Variants in SLC2A12 observed in about 807,000 individuals in gnomAD.
The protein encoded by SLC2A12 is solute carrier family 2 member 12.
SLC2A12 carries 23 observed loss-of-function variants against 41.8 expected under a neutral mutation model. That is an observed-to-expected ratio of 0.55 (90% CI 0.40 to 0.78). The LOEUF is 0.78. SLC2A12 is among the 30% of genes least tolerant of loss of function. SLC2A12 has a pLI of 0.00. For missense variants in SLC2A12, 654 were observed against 745.6 expected (o/e 0.88, Z 1.43); for synonymous variants, 295 against 285.9 (o/e 1.03, Z -0.32).
chr6:133,989,824 TA>T lies in SLC2A12; in HGVS notation c.*1330del, dbSNP rs1183070112. 1 of 152,190 alleles carries T rather than the reference TA, an allele frequency of 6.6e-6. No homozygotes were observed. Among genetic ancestry groups the T allele is most frequent in the Non-Finnish European group, 1.5e-5 (1 of 68,010 alleles). The allele number at this position is 152,190 out of a possible 1,614,324, so 9.4% of individuals were successfully genotyped here. On this transcript the variant is annotated 3_prime_UTR_variant, in exon 5 of 5. Coordinates refer to ENST00000275230, the MANE Select transcript of SLC2A12 (RefSeq NM_145176.3). Reference sequence around the variant, plus strand: ...ACCAATAGGAAAATTCCAAGCTAAATAAAAAGGAGCTTTGGCTCTTAGGATT... The same window carrying T: ...ACCAATAGGAAAATTCCAAGCTAAATAAAAGGAGCTTTGGCTCTTAGGATT...
At chr6:134,032,689 C>G (rs564186584) in intron 1 of SLC2A12, among the ~76,000 whole-genome samples, 1 of 135,174 alleles carries the variant, frequency 7.4e-6, no homozygotes, top group East Asian at 2.1e-4. Context: ...CCTGTCCATT[C>G]GGGGTTTTGA....
chr6:134,001,633 A>G (rs1776755256), intron 4 of SLC2A12, among the ~76,000 whole-genome samples: 1 of 152,190 alleles, frequency 6.6e-6, no homozygotes, highest in African/African-American at 2.4e-5. Flanking sequence ...GTTTGATGAT[A>G]ATTATAAAAG....
At chr6:134,037,638 C>T (rs1015880238) in intron 1 of SLC2A12, among the ~76,000 whole-genome samples, 1 of 152,192 alleles carries the variant, frequency 6.6e-6, no homozygotes. Context: ...GCATGAGCCA[C>T]TACACCCGGC....
chr6:134,024,166 G>A (rs1246004826), intron 2 of SLC2A12, among the ~76,000 whole-genome samples: 2 of 152,240 alleles, frequency 1.3e-5, no homozygotes, highest in African/African-American at 2.4e-5. Context: ...TCTGGGAGAA[G>A]GCAGCAGTTT....
At chr6:134,046,082 G>A (rs1777451399) in intron 1 of SLC2A12, among the ~76,000 whole-genome samples, 1 of 152,072 alleles carries the variant, frequency 6.6e-6, no homozygotes, top group Admixed American at 6.5e-5. Context: ...CATTTCCCCT[G>A]TTCTTGAAAA....
chr6:134,029,134 C>G lies in SLC2A12; in HGVS notation c.691G>C (p.Gly231Arg). 1.2e-6 allele frequency: 2 copies of G among 1,614,120 alleles called. No homozygotes were observed. Among genetic ancestry groups the G allele is most frequent in the Non-Finnish European group, 1.7e-6 (2 of 1,180,030 alleles). Residue 231 changes from glycine to arginine, a missense_variant, in exon 2 of 5, where the codon GGA becomes CGA. This residue lies in a region of SLC2A12 where 411 missense variants were observed against 412.1 expected (regional missense o/e 1.00). Coordinates refer to ENST00000275230, the MANE Select transcript of SLC2A12 (RefSeq NM_145176.3). Reference protein sequence around the residue: ...PRFLVMKGQEGAASKVLGRLR... With the variant: ...PRFLVMKGQERAASKVLGRLR... ...CTTCCAAGAACCTTGCTAGCAGCTCCCTCTTGTCCTTTCATCACCAGAAAC... is the reference window on the plus strand; with the variant it reads ...CTTCCAAGAACCTTGCTAGCAGCTCGCTCTTGTCCTTTCATCACCAGAAAC...
At chr6:134,005,457 G>A (rs1776799873) in intron 3 of SLC2A12, among the ~76,000 whole-genome samples, 1 of 151,718 alleles carries the variant, frequency 6.6e-6, no homozygotes, top group East Asian at 2.0e-4. Flanking sequence ...AGGAGTTCGA[G>A]ACCAGCCTGA....
chr6:134,005,307 A>G (rs1776798531), intron 3 of SLC2A12, among the ~76,000 whole-genome samples: 1 of 152,110 alleles, frequency 6.6e-6, no homozygotes, highest in Non-Finnish European at 1.5e-5. Context: ...CAAATTTTCT[A>G]TACAATGCAG....
At chr6:134,039,941 T>C (rs1777357649) in intron 1 of SLC2A12, among the ~76,000 whole-genome samples, 1 of 152,156 alleles carries the variant, frequency 6.6e-6, no homozygotes, top group South Asian at 2.1e-4. Context: ...ATTGGAGGCT[T>C]CTCGAGGCCT....
intron 4 of SLC2A12, among the ~76,000 whole-genome samples, chr6:133,995,048 A>G (rs2114416382): frequency 1.3e-5 from 2 of 152,358 alleles, no homozygotes; most frequent in Middle Eastern, 6.8e-3. Flanking sequence ...CGGAGTGGCC[A>G]TAACAGTCTC....
chr6:134,030,150 G>A (rs1461569319), intron 1 of SLC2A12, among the ~76,000 whole-genome samples: 2 of 152,196 alleles, frequency 1.3e-5, no homozygotes, highest in African/African-American at 4.8e-5. Flanking sequence ...GCAGGAGAGA[G>A]AGGATAGGAG....
intron 1 of SLC2A12, among the ~76,000 whole-genome samples, chr6:134,049,483 G>C (rs1773643484): frequency 6.6e-6 from 1 of 152,190 alleles, no homozygotes; most frequent in African/African-American, 2.4e-5. Context: ...TCCTCTGTGT[G>C]ACCGTGGGCC....
chr6:134,006,222 GC>G (rs1384375341), intron 3 of SLC2A12, among the ~76,000 whole-genome samples: 2 of 149,272 alleles, frequency 1.3e-5, no homozygotes, highest in African/African-American at 4.9e-5. Context: ...ACAGAGAGGG[GC>G]ACGTGACATG....
At chr6:134,041,507 A>G (rs188623743) in intron 1 of SLC2A12, among the ~76,000 whole-genome samples, 228 of 151,864 alleles carry the variant, frequency 1.5e-3, no homozygotes, top group African/African-American at 2.4e-3. Context: ...GAGAGAGAGA[A>G]AGAAAGGGAA....
At chr6:134,041,647 C>T (rs982437755) in intron 1 of SLC2A12, among the ~76,000 whole-genome samples, 2 of 152,238 alleles carry the variant, frequency 1.3e-5, no homozygotes, top group Non-Finnish European at 2.9e-5. Flanking sequence ...AAGGTTCCAT[C>T]TCTGTCAAAT....
chr6:134,033,744 T>G (rs1236051224), intron 1 of SLC2A12, among the ~76,000 whole-genome samples: 2 of 152,160 alleles, frequency 1.3e-5, no homozygotes, highest in African/African-American at 4.8e-5. Flanking sequence ...CTTCCTTTCT[T>G]GTTTTCCTCT....
intron 4 of SLC2A12, among the ~76,000 whole-genome samples, chr6:133,994,359 G>C (rs1582593974): frequency 6.6e-6 from 1 of 152,284 alleles, no homozygotes; most frequent in East Asian, 1.9e-4. Context: ...GTAAGCAGTT[G>C]AATAAACAAG....
At chr6:134,011,920 T>C (rs1345464047) in intron 2 of SLC2A12, among the ~76,000 whole-genome samples, 1 of 151,992 alleles carries the variant, frequency 6.6e-6, no homozygotes, top group East Asian at 1.9e-4. Flanking sequence ...GACAAGCCTG[T>C]AGCCCCAGCT....
At chr6:134,011,095 C>CAG (rs1307917481) in intron 2 of SLC2A12, among the ~76,000 whole-genome samples, 3 of 152,314 alleles carry the variant, frequency 2.0e-5, no homozygotes, top group African/African-American at 7.2e-5. Context: ...GGAAGCTCTA[C>CAG]ACTCAGACTG....
Sources: gnomAD v4.1 joint callset for allele counts (sites outside exome capture counted in the v4.1 genomes callset) on GRCh38, gnomAD v4.1.1 for gene constraint, gnomAD v4.1.1 regional missense constraint, MANE v1.5 for transcripts, NCBI Gene and HGNC (gene_info 2026-07-23, HGNC 2026-07-21) for gene names.